Variants in MAGI1 observed in about 807,000 individuals in gnomAD.
MAGI1 encodes the protein membrane associated guanylate kinase, WW and PDZ domain containing 1.
A neutral mutation model predicts 139.9 loss-of-function variants in MAGI1; 58 were observed. That is an observed-to-expected ratio of 0.41 (90% CI 0.34 to 0.52). The LOEUF (loss-of-function observed/expected upper bound fraction) is 0.52, where lower values mean the gene tolerates loss of function less well. MAGI1 is among the 20% of genes least tolerant of loss of function. The probability of loss-of-function intolerance (pLI) is 0.12; values close to 1 mark genes in which losing one functional copy is unlikely to be tolerated. For missense variants in MAGI1, 1,874 were observed against 1,901.6 expected, an observed-to-expected ratio of 0.99 and a Z score of 0.27; for synonymous variants, 812 against 737.9, an observed-to-expected ratio of 1.10 and a Z score of -1.63.
chr3:65,964,152 CCTGT>C (rs1296091473), intron 1 of MAGI1, among the ~76,000 whole-genome samples: 4 of 152,178 alleles, frequency 2.6e-5, no homozygotes, highest in Non-Finnish European at 4.4e-5. Flanking sequence ...ACTGCCCTGC[CCTGT>C]CTTTCAATAT....
At chr3:65,820,209 G>A (rs1184823707) in intron 1 of MAGI1, among the ~76,000 whole-genome samples, 1 of 152,172 alleles carries the variant, frequency 6.6e-6, no homozygotes, top group Non-Finnish European at 1.5e-5. Flanking sequence ...TATTTACTGT[G>A]GCAATTTTTT....
intron 2 of MAGI1, among the ~76,000 whole-genome samples, chr3:65,498,275 A>C (rs1250488557): frequency 7.4e-6 from 1 of 134,712 alleles, no homozygotes; most frequent in Admixed American, 8.0e-5. Flanking sequence ...CAGCGTACTA[A>C]TATAAAAAAA....
chr3:65,484,492 A>G (rs1374570627), intron 3 of MAGI1, among the ~76,000 whole-genome samples: 1 of 152,186 alleles, frequency 6.6e-6, no homozygotes, highest in African/African-American at 2.4e-5. Context: ...AGAGAGGTAC[A>G]AAAACCTTAC....
At chr3:65,737,473 G>C (rs2034867673) in intron 1 of MAGI1, among the ~76,000 whole-genome samples, 1 of 152,240 alleles carries the variant, frequency 6.6e-6, no homozygotes, top group Non-Finnish European at 1.5e-5. Context: ...CACCAGGTAT[G>C]CCCTGAGTTA....
At chr3:65,750,398 A>C (rs1370981849) in intron 1 of MAGI1, among the ~76,000 whole-genome samples, 1 of 152,208 alleles carries the variant, frequency 6.6e-6, no homozygotes, top group Non-Finnish European at 1.5e-5. Flanking sequence ...TCTCCCTCTA[A>C]GAAAAAATCT....
intron 1 of MAGI1, among the ~76,000 whole-genome samples, chr3:65,711,109 C>G (rs1372603345): frequency 1.3e-5 from 2 of 152,218 alleles, no homozygotes; most frequent in Non-Finnish European, 2.9e-5. Context: ...CATTCAACAA[C>G]TAGTCACCAA....
intron 1 of MAGI1, among the ~76,000 whole-genome samples, chr3:65,678,685 G>A (rs1246493963): frequency 2.6e-5 from 4 of 152,070 alleles, no homozygotes; most frequent in Admixed American, 6.5e-5. Context: ...GCCCAGAGCC[G>A]TCCTTTCTTC....
At chr3:65,362,326 TTAAAGTAATTTAAAG>T (rs371493592) in intron 21 of MAGI1, among the ~76,000 whole-genome samples, 2,719 of 152,292 alleles carry the variant, frequency 0.018, 98 homozygotes, top group African/African-American at 0.062. Context: ...GATTAAATTT[TTAAAGTAATTTAAAG>T]TAAAGTAATT....
At chr3:65,884,070 G>C (rs2060439620) in intron 1 of MAGI1, among the ~76,000 whole-genome samples, 1 of 152,148 alleles carries the variant, frequency 6.6e-6, no homozygotes, top group South Asian at 2.1e-4. Flanking sequence ...AAAGGGAAAA[G>C]AACAAGAATG....
At chr3:65,957,017 A>T (rs552183656) in intron 1 of MAGI1, among the ~76,000 whole-genome samples, 1 of 152,190 alleles carries the variant, frequency 6.6e-6, no homozygotes, top group East Asian at 1.9e-4. Context: ...AAATTATGTT[A>T]TTGGGATTAG....
chr3:65,466,239 G>T lies in MAGI1; in HGVS notation c.959+4044C>A, dbSNP rs189300341. On this transcript the variant is annotated intron_variant, in intron 5 of 22. Coordinates refer to ENST00000402939, the MANE Select transcript of MAGI1 (RefSeq NM_001033057.2). ...TAACAGTGCTGTTATCGCTGTGTTA[G>T]TATCTACTCATTGCCTTTTTTCACT... Among the ~76,000 whole-genome samples the T allele has an allele frequency of 3.0e-3, 450 of 152,200 alleles. 3 individuals carry two copies. The highest frequency in any genetic ancestry group is 6.8e-3 in the Middle Eastern group (2 of 294).
Position 65,777,465 on chromosome 3 carries a change from C to A in MAGI1, c.314-155377G>T, listed in dbSNP as rs574934360. Among the ~76,000 whole-genome samples, 29 of 151,992 alleles carry A rather than the reference C, an allele frequency of 1.9e-4. No individual in the cohort carries two copies. In the Middle Eastern group the frequency reaches 0.014, roughly 71 times the overall value. ...AAAGGGACTATATTTGGCATAAATA[C>A]CAAATGGACTTGAAAACCGTGCTCA... On this transcript the variant is annotated intron_variant, in intron 1 of 22. Coordinates refer to ENST00000402939, the MANE Select transcript of MAGI1 (RefSeq NM_001033057.2).
chr3:65,468,001 T>C (rs908092977), intron 5 of MAGI1, among the ~76,000 whole-genome samples: 3 of 152,162 alleles, frequency 2.0e-5, no homozygotes, highest in Non-Finnish European at 4.4e-5. Context: ...GCCCAAGAAC[T>C]TTAGCTTCTC....
At chr3:66,012,987 T>C (rs79228453) in intron 1 of MAGI1, among the ~76,000 whole-genome samples, 1 of 152,198 alleles carries the variant, frequency 6.6e-6, no homozygotes, top group Non-Finnish European at 1.5e-5. Context: ...GTCAATAGTT[T>C]GCATGTAGCT....
At chr3:65,478,251 C>T (rs1402743509) in intron 4 of MAGI1, among the ~76,000 whole-genome samples, 1 of 149,768 alleles carries the variant, frequency 6.7e-6, no homozygotes, top group African/African-American at 2.4e-5. Context: ...CTGCAAGTTA[C>T]CCCCCCCAAA....
intron 1 of MAGI1, among the ~76,000 whole-genome samples, chr3:65,745,631 C>A (rs2035637456): frequency 6.6e-6 from 1 of 152,186 alleles, no homozygotes; most frequent in East Asian, 1.9e-4. Context: ...ATTCAATAGG[C>A]AAATTTTATG....
At chr3:65,604,857 G>C (rs1405752398) in intron 2 of MAGI1, among the ~76,000 whole-genome samples, 1 of 152,084 alleles carries the variant, frequency 6.6e-6, no homozygotes, top group Non-Finnish European at 1.5e-5. Context: ...AAATAGAACA[G>C]ATGTGGAACA....
At chr3:65,917,704 T>C (rs922507726) in intron 1 of MAGI1, among the ~76,000 whole-genome samples, 12 of 152,262 alleles carry the variant, frequency 7.9e-5, no homozygotes, top group Middle Eastern at 6.8e-3. Flanking sequence ...CTACATACTA[T>C]ATGATTCCAA....
intron 1 of MAGI1, among the ~76,000 whole-genome samples, chr3:65,792,656 G>C (rs1402294998): frequency 6.6e-6 from 1 of 152,044 alleles, no homozygotes; most frequent in African/African-American, 2.4e-5. Context: ...CTACTAAGTG[G>C]CTAACAGGGA....
Sources: allele counts gnomAD v4.1 joint callset (sites outside exome capture counted in the v4.1 genomes callset), GRCh38; gene constraint gnomAD v4.1.1; transcripts MANE v1.5; gene names NCBI Gene and HGNC (gene_info 2026-07-23, HGNC 2026-07-21).